DNM1L: variants seen among roughly 807,000 people sequenced by gnomAD.
DNM1L encodes the protein dynamin 1L, also known as dynamin-1-like protein.
DNM1L carries 33 observed loss-of-function variants against 92.8 expected under a neutral mutation model. The observed-to-expected ratio is 0.36, with a 90% CI of 0.27 to 0.48. DNM1L has a LOEUF of 0.48. DNM1L is among the 20% of genes least tolerant of loss of function. DNM1L has a pLI of 0.99. For synonymous variants in DNM1L, 284 were observed against 305.0 expected, an observed-to-expected ratio of 0.93 and a Z score of 0.72; for missense variants, 485 against 888.8, an observed-to-expected ratio of 0.55 and a Z score of 5.78.
intron 6 of DNM1L, among the ~76,000 whole-genome samples, chr12:32,718,220 C>T (rs1174470753): frequency 6.7e-6 from 1 of 149,114 alleles, no homozygotes; most frequent in East Asian, 2.0e-4. Context: ...CAGCTCACTG[C>T]AACCTCTGCC....
intron 5 of DNM1L, among the ~76,000 whole-genome samples, chr12:32,712,038 T>C (rs1365113394): frequency 1.3e-5 from 2 of 152,220 alleles, no homozygotes; most frequent in Non-Finnish European, 2.9e-5. Context: ...AATCGTGTTT[T>C]ATAAATTCAT....
intron 4 of DNM1L, among the ~76,000 whole-genome samples, chr12:32,708,543 AGTTATCT>A (rs1953010437): frequency 6.6e-6 from 1 of 152,154 alleles, no homozygotes; most frequent in African/African-American, 2.4e-5. Context: ...TGCTACAATA[AGTTATCT>A]TTTTCTGATG....
In DNM1L at chr12:32,707,779, GTC is replaced by G. The variant is rs1219613751; in HGVS notation, c.297+370_298-369del. Among the ~76,000 whole-genome samples, 6 of 152,090 alleles carry G rather than the reference GTC, an allele frequency of 3.9e-5. No homozygotes were observed. The South Asian group carries it at 6.2e-4, about 16-fold the overall frequency. On this transcript the variant is annotated intron_variant, in intron 3 of 19. Transcript: ENST00000549701. ...AGCCTAGGCAATATAGGGGGACCCT[GTC>G]TCTATAAAAACTAAAAAAAATTAGC...
At chr12:32,721,042 GTTAAT>G (rs1485362722) in intron 8 of DNM1L, among the ~76,000 whole-genome samples, 1 of 152,160 alleles carries the variant, frequency 6.6e-6, no homozygotes, top group African/African-American at 2.4e-5. Flanking sequence ...AATTTTGACA[GTTAAT>G]TTAGTTTTGT....
At chr12:32,709,282 A>G (rs1007740086) in intron 4 of DNM1L, among the ~76,000 whole-genome samples, 4 of 152,148 alleles carry the variant, frequency 2.6e-5, no homozygotes, top group Admixed American at 1.3e-4. Context: ...TCCTCTAATT[A>G]TATCAGGGAT....
At chr12:32,717,220 T>C (rs1487500926) in intron 6 of DNM1L, among the ~76,000 whole-genome samples, 4 of 112,922 alleles carry the variant, frequency 3.5e-5, no homozygotes, top group Non-Finnish European at 5.1e-5. Flanking sequence ...ATAAAATATA[T>C]AGTATATATT....
In DNM1L at chr12:32,707,363, C is replaced by G. The variant is rs773936025; in HGVS notation, c.251-4C>G. 1 of 1,602,896 alleles carries G rather than the reference C, an allele frequency of 6.2e-7. No individual in the cohort carries two copies. Among genetic ancestry groups the G allele is most frequent in the South Asian group, 1.1e-5 (1 of 88,618 alleles). On this transcript the variant is annotated splice_region_variant and splice_polypyrimidine_tract_variant and intron_variant, in intron 2 of 19. Transcript: ENST00000549701. ...TCCAATAAATGAGTTTTTCTTTTTT[C>G]CAGGGGTGGAAGCAGAAGAATGGGG...
chr12:32,739,965 G>A, intron 16 of DNM1L, 99 bp from the exon 17 acceptor site: 1 of 1,474,082 alleles, frequency 6.8e-7, no homozygotes, highest in Admixed American at 1.9e-5. Flanking sequence ...CTTCAGATGG[G>A]TACTGGATGT....
intron 2 of DNM1L, among the ~76,000 whole-genome samples, chr12:32,703,202 C>G (rs896059621): frequency 6.6e-6 from 1 of 151,936 alleles, no homozygotes; most frequent in Non-Finnish European, 1.5e-5. Flanking sequence ...TTTCAGCTAT[C>G]GTAGTGTCAG....
intron 13 of DNM1L, among the ~76,000 whole-genome samples, chr12:32,736,473 T>G (rs544496307): frequency 1.3e-5 from 2 of 152,314 alleles, no homozygotes; most frequent in African/African-American, 4.8e-5. Context: ...CAAGTTACTT[T>G]GATAATATTA....
intron 1 of DNM1L, among the ~76,000 whole-genome samples, chr12:32,690,332 G>A (rs966632025): frequency 6.6e-6 from 1 of 152,068 alleles, no homozygotes; most frequent in Non-Finnish European, 1.5e-5. Context: ...CAGATTTCTG[G>A]TTTTGCCTTA....
chr12:32,687,349 A>G (rs953502195), intron 1 of DNM1L, among the ~76,000 whole-genome samples: 1 of 151,350 alleles, frequency 6.6e-6, no homozygotes, highest in Non-Finnish European at 1.5e-5. Context: ...TTTTTTTTGC[A>G]CGTGCTTCTC....
chr12:32,700,261 A>G (rs1053951781), intron 1 of DNM1L, among the ~76,000 whole-genome samples: 9 of 152,004 alleles, frequency 5.9e-5, no homozygotes, highest in African/African-American at 2.2e-4. Flanking sequence ...CTGGGATTAC[A>G]GGCGCGTGCC....
At chr12:32,722,681 C>T (rs746744296) in intron 9 of DNM1L, 48 bp downstream of exon 9, 1 of 1,421,010 alleles carries the variant, frequency 7.0e-7, no homozygotes, top group East Asian at 2.3e-5. Flanking sequence ...ATTGCTAGGT[C>T]ACTTTTCCTT....
intron 1 of DNM1L, among the ~76,000 whole-genome samples, chr12:32,683,124 T>C (rs1951869217): frequency 6.6e-6 from 1 of 152,248 alleles, no homozygotes; most frequent in African/African-American, 2.4e-5. Flanking sequence ...GACTCTGGCT[T>C]AGTGTTCCTA....
chr12:32,685,298 T>C (rs991803209), intron 1 of DNM1L, among the ~76,000 whole-genome samples: 10 of 151,918 alleles, frequency 6.6e-5, no homozygotes, highest in Non-Finnish European at 1.3e-4. Flanking sequence ...CTGATTCATA[T>C]GATAATTCTT....
intron 1 of DNM1L, among the ~76,000 whole-genome samples, chr12:32,699,172 CTT>C (rs1282058594): frequency 1.3e-5 from 2 of 152,058 alleles, no homozygotes; most frequent in African/African-American, 4.8e-5. Flanking sequence ...GGAAAAAAGT[CTT>C]TGTGTGTACA....
At chr12:32,734,725 CTTG>C in intron 13 of DNM1L, among the ~76,000 whole-genome samples, 1 of 152,182 alleles carries the variant, frequency 6.6e-6, no homozygotes, top group Admixed American at 6.5e-5. Context: ...GGAGAATCAA[CTTG>C]AACCCAGGAG....
chr12:32,720,507 C>T (rs1953754354), intron 7 of DNM1L, among the ~76,000 whole-genome samples, 157 bp from the exon 8 acceptor site: 2 of 152,140 alleles, frequency 1.3e-5, no homozygotes, highest in African/African-American at 2.4e-5. Flanking sequence ...CCTTGCTATA[C>T]AATGGGGTAA....
Sources: gnomAD v4.1 joint callset for allele counts (sites outside exome capture counted in the v4.1 genomes callset) on GRCh38, gnomAD v4.1.1 for gene constraint, MANE v1.5 for transcripts, NCBI Gene and HGNC (gene_info 2026-07-23, HGNC 2026-07-21) for gene names.